The following GRIA1 variants were observed in gnomAD, a reference collection of about 807,000 sequenced individuals.
GRIA1 encodes glutamate receptor 1.
Under a neutral mutation model 99.2 loss-of-function variants are expected in GRIA1, and 31 were observed. The ratio of observed to expected loss-of-function variants is 0.31; its 90% CI spans 0.23 to 0.42. The LOEUF (loss-of-function observed/expected upper bound fraction) is 0.42, where lower values mean the gene tolerates loss of function less well. Among genes scored for constraint, GRIA1 ranks in the 10% least tolerant of loss-of-function variants. The probability of loss-of-function intolerance (pLI) is 1.00; values close to 1 mark genes in which losing one functional copy is unlikely to be tolerated. For missense variants in GRIA1, 782 were observed against 1,157.5 expected (o/e 0.68, Z 4.71); for synonymous variants, 438 against 432.4 (o/e 1.01, Z -0.16).
At chr5:153,607,237 A>G (rs1243342595) in intron 2 of GRIA1, among the ~76,000 whole-genome samples, 1 of 151,460 alleles carries the variant, frequency 6.6e-6, no homozygotes, top group Non-Finnish European at 1.5e-5. Context: ...TACTATTGAC[A>G]TTGGTGGATT....
chr5:153,711,774 G>T (rs1013925928), intron 11 of GRIA1, among the ~76,000 whole-genome samples: 2 of 152,136 alleles, frequency 1.3e-5, no homozygotes, highest in African/African-American at 4.8e-5. Flanking sequence ...CTTCTCCATG[G>T]CATCAATATT....
chr5:153,563,112 G>T (rs754254520), intron 2 of GRIA1, among the ~76,000 whole-genome samples: 8 of 151,384 alleles, frequency 5.3e-5, no homozygotes, highest in African/African-American at 1.9e-4. Context: ...GGAGGCAGAG[G>T]TTGTAGTGAG....
At chr5:153,600,386 C>T (rs181111050) in intron 2 of GRIA1, among the ~76,000 whole-genome samples, 6,300 of 84,084 alleles carry the variant, frequency 0.075, 183 homozygotes, top group African/African-American at 0.1. Flanking sequence ...AGCGAGACTC[C>T]ATCTCAAAAA....
chr5:153,663,547 T>A (rs149625766), intron 5 of GRIA1, among the ~76,000 whole-genome samples: 3 of 152,346 alleles, frequency 2.0e-5, no homozygotes, highest in African/African-American at 4.8e-5. Flanking sequence ...TTAATGTGGA[T>A]CTCATAAGAT....
chr5:153,780,237 G>A (rs916458632), intron 13 of GRIA1, among the ~76,000 whole-genome samples: 10 of 152,196 alleles, frequency 6.6e-5, no homozygotes, highest in African/African-American at 1.9e-4. Flanking sequence ...GGAAAGAGAC[G>A]GATTGGATAT....
intron 2 of GRIA1, among the ~76,000 whole-genome samples, chr5:153,564,257 A>T (rs950969084): frequency 6.6e-6 from 1 of 152,134 alleles, no homozygotes. Flanking sequence ...TGGGCCCTGG[A>T]GTCTTCAGAT....
intron 11 of GRIA1, among the ~76,000 whole-genome samples, chr5:153,724,371 C>A (rs1029250716): frequency 2.6e-5 from 4 of 152,148 alleles, no homozygotes; most frequent in South Asian, 2.1e-4. Flanking sequence ...CAGTTCCTCA[C>A]CAGCAACGGA....
intron 2 of GRIA1, among the ~76,000 whole-genome samples, chr5:153,519,976 C>T (rs1194156396): frequency 6.6e-6 from 1 of 152,066 alleles, no homozygotes; most frequent in Non-Finnish European, 1.5e-5. Context: ...TGTTAATCTG[C>T]CTGTCCAGGG....
chr5:153,654,354 C>G (rs1239285158), intron 4 of GRIA1, among the ~76,000 whole-genome samples: 2 of 152,056 alleles, frequency 1.3e-5, no homozygotes, highest in East Asian at 3.9e-4. Flanking sequence ...TTTGTACTTT[C>G]ATCTTGTGGG....
At chr5:153,739,194 G>A (rs1761607197) in intron 11 of GRIA1, among the ~76,000 whole-genome samples, 1 of 151,660 alleles carries the variant, frequency 6.6e-6, no homozygotes, top group African/African-American at 2.4e-5. Context: ...ATTCCTCACT[G>A]CCCTGCACCT....
chr5:153,620,283 G>T (rs1258430249), intron 2 of GRIA1, among the ~76,000 whole-genome samples: 1 of 147,540 alleles, frequency 6.8e-6, no homozygotes, highest in African/African-American at 2.5e-5. Flanking sequence ...CTTTGGGATA[G>T]ACTTTTTTTT....
chr5:153,647,668 T>C (rs1170013529), intron 3 of GRIA1, among the ~76,000 whole-genome samples: 1 of 152,228 alleles, frequency 6.6e-6, no homozygotes, highest in East Asian at 1.9e-4. Context: ...GCCTACAACA[T>C]AGTAAAAACT....
intron 2 of GRIA1, among the ~76,000 whole-genome samples, chr5:153,569,268 C>T (rs1041288361): frequency 1.3e-5 from 2 of 152,164 alleles, no homozygotes; most frequent in Non-Finnish European, 2.9e-5. Flanking sequence ...ACAAGCACTT[C>T]GTTTCTACTA....
At chr5:153,806,309 A>G (rs1048589491) in intron 15 of GRIA1, among the ~76,000 whole-genome samples, 4 of 151,732 alleles carry the variant, frequency 2.6e-5, no homozygotes, top group Admixed American at 2.6e-4. Flanking sequence ...CCTGTTGTCC[A>G]GGCTGGAGTT....
At chr5:153,523,013 GAT>G (rs1196905838) in intron 2 of GRIA1, among the ~76,000 whole-genome samples, 2 of 86,064 alleles carry the variant, frequency 2.3e-5, no homozygotes, top group African/African-American at 8.5e-5. Flanking sequence ...TCTTGTTCCT[GAT>G]ATCTCTCTCT....
intron 2 of GRIA1, among the ~76,000 whole-genome samples, chr5:153,509,515 A>G (rs758364471): frequency 2.6e-5 from 4 of 151,996 alleles, no homozygotes; most frequent in Non-Finnish European, 4.4e-5. Context: ...GGTTTTATCT[A>G]TTGTTAAGAC....
chr5:153,752,717 A>G (rs909253268), intron 11 of GRIA1, among the ~76,000 whole-genome samples: 1 of 152,226 alleles, frequency 6.6e-6, no homozygotes, highest in Admixed American at 6.5e-5. Flanking sequence ...ATGAATAAAT[A>G]GTATGGTACT....
chr5:153,712,479 G>A (rs747033270), intron 11 of GRIA1, among the ~76,000 whole-genome samples: 19 of 152,090 alleles, frequency 1.2e-4, no homozygotes, highest in Non-Finnish European at 2.4e-4. Flanking sequence ...TATGCCTTTG[G>A]CACTGAGAGT....
At chr5:153,610,603 G>A (rs1277380195) in intron 2 of GRIA1, among the ~76,000 whole-genome samples, 1 of 152,182 alleles carries the variant, frequency 6.6e-6, no homozygotes, top group Non-Finnish European at 1.5e-5. Context: ...GGTCGAGAGT[G>A]TAGTCTCCAG....
Sources: gnomAD v4.1 joint callset for allele counts (sites outside exome capture counted in the v4.1 genomes callset) on GRCh38, gnomAD v4.1.1 for gene constraint, MANE v1.5 for transcripts, NCBI Gene and HGNC (gene_info 2026-07-23, HGNC 2026-07-21) for gene names.